ERG: variants seen among roughly 807,000 people sequenced by gnomAD.
ERG encodes the protein transcriptional regulator ERG.
ERG carries 9 observed loss-of-function variants against 55.3 expected under a neutral mutation model. The ratio of observed to expected loss-of-function variants is 0.16; its 90% confidence interval spans 0.10 to 0.28. The LOEUF is 0.28. Among genes scored for constraint, ERG ranks in the 10% least tolerant of loss-of-function variants. ERG has a pLI of 1.00. For synonymous variants in ERG, 223 were observed against 237.3 expected, an observed-to-expected ratio of 0.94 and a Z score of 0.55; for missense variants, 434 against 631.6, an observed-to-expected ratio of 0.69 and a Z score of 3.35.
chr21:38,518,242 AT>A (rs2059567359), intron 2 of ERG, among the ~76,000 whole-genome samples: 2 of 80,704 alleles, frequency 2.5e-5, no homozygotes, highest in Non-Finnish European at 5.0e-5. Context: ...GTGTGTATCT[AT>A]CTATCTATCT....
intron 2 of ERG, among the ~76,000 whole-genome samples, chr21:38,514,230 A>G (rs1462730796): frequency 6.6e-6 from 1 of 151,864 alleles, no homozygotes; most frequent in African/African-American, 2.4e-5. Flanking sequence ...GCATTTAAAA[A>G]AAAAAGGATG....
chr21:38,413,162 A>G (rs980403740), intron 3 of ERG, among the ~76,000 whole-genome samples: 10 of 152,212 alleles, frequency 6.6e-5, no homozygotes, highest in African/African-American at 2.4e-4. Context: ...AGGTGTCAAC[A>G]TAAGAATGTG....
At chr21:38,561,838 C>G (rs984075106) in intron 2 of ERG, among the ~76,000 whole-genome samples, 4 of 152,124 alleles carry the variant, frequency 2.6e-5, no homozygotes, top group African/African-American at 9.7e-5. Flanking sequence ...ACAAGACTTT[C>G]CAGAAAATCT....
intron 2 of ERG, among the ~76,000 whole-genome samples, chr21:38,438,917 C>T (rs973289473): frequency 2.0e-5 from 3 of 152,200 alleles, no homozygotes; most frequent in Non-Finnish European, 2.9e-5. Flanking sequence ...AGGTCTCTTC[C>T]GATTCTAGGG....
chr21:38,387,783 G>A (rs75403041), intron 9 of ERG, among the ~76,000 whole-genome samples: 6,306 of 152,270 alleles, frequency 0.041, 200 homozygotes, highest in Middle Eastern at 0.065. Flanking sequence ...AGCTTACTGT[G>A]TGCCATGCAC....
chr21:38,619,305 G>A lies in ERG; in HGVS notation c.-149-34360C>T, dbSNP rs191582704. Among the ~76,000 whole-genome samples, 77 of 152,222 alleles carry A rather than the reference G, an allele frequency of 5.1e-4. 1 individual carries two copies. The South Asian group carries it at 0.015, about 30-fold the overall frequency. On this transcript the variant is annotated intron_variant, in intron 1 of 10. Coordinates refer to the ERG transcript ENST00000398910. ...TGGGCACATATTTCTCCAAGACATG[G>A]GATGTGTTTCTCTGAGACATTTCCT...
Position 38,403,601 on chromosome 21 carries a change from T to C in ERG, c.497A>G (p.Lys166Arg), listed in dbSNP as rs1988615270. 6.2e-7 allele frequency: 1 copy of C among 1,614,066 alleles called. No individual in the cohort carries two copies. The highest frequency in any genetic ancestry group is 1.1e-5 in the South Asian group (1 of 91,090). Reference protein sequence around the residue: ...NILLFQNIDGKELCKMTKDDF... With the variant: ...NILLFQNIDGRELCKMTKDDF... ...GTCCTTGGTCATCTTGCACAGTTCC[T>C]TCCCATCGATGTTCTGGAATAACAA... is the stretch of plus-strand genomic sequence containing the variant. The change falls in exon 4 of 10, where the codon AAG (lysine) becomes AGG (arginine). Residue 166 changes from lysine (K) to arginine (R), a missense_variant. Transcript: ENST00000288319.
intron 2 of ERG, among the ~76,000 whole-genome samples, chr21:38,571,425 C>T (rs550581388): frequency 1.2e-4 from 19 of 152,034 alleles, no homozygotes; most frequent in Non-Finnish European, 2.2e-4. Flanking sequence ...GCAGGAAGAT[C>T]GCTTGAGCCT....
chr21:38,372,695 G>A, the ERG span, among the ~76,000 whole-genome samples: 1 of 151,868 alleles, frequency 6.6e-6, no homozygotes, highest in Non-Finnish European at 1.5e-5. Context: ...TAAATGTGTT[G>A]TGATTTTCTT....
Position 38,565,937 on chromosome 21 carries a change from G to A in ERG, c.-41+9725C>T, listed in dbSNP as rs1009315032. The stretch of plus-strand genomic sequence containing the variant: ...CCAAAAATATCACAAATGAGATAAC[G>A]TAACTTGTTGATAAGTGTGTGAAGA... On this transcript the variant is annotated intron_variant, in intron 2 of 8. Transcript: ENST00000398897. Among the ~76,000 whole-genome samples, 29 of 152,268 alleles carry A rather than the reference G, an allele frequency of 1.9e-4. 1 individual carries two copies. The highest frequency in any genetic ancestry group is 1.0e-3 in the South Asian group (5 of 4,824).
At chr21:38,646,658 C>T (rs2060458594) in intron 1 of ERG, among the ~76,000 whole-genome samples, 1 of 152,190 alleles carries the variant, frequency 6.6e-6, no homozygotes, top group South Asian at 2.1e-4. Flanking sequence ...CCCTCCATCT[C>T]TGAGTCAGTT....
intron 2 of ERG, among the ~76,000 whole-genome samples, chr21:38,571,911 C>T (rs1352399444): frequency 4.6e-5 from 7 of 152,138 alleles, no homozygotes; most frequent in East Asian, 1.9e-4. Flanking sequence ...AGAGTCTTCA[C>T]GGGAATCACA....
chr21:38,629,013 G>A (rs190903529), intron 1 of ERG, among the ~76,000 whole-genome samples: 1 of 152,282 alleles, frequency 6.6e-6, no homozygotes, highest in Non-Finnish European at 1.5e-5. Flanking sequence ...AAAGCCAAGA[G>A]ATGACCTGTT....
intron 1 of ERG, among the ~76,000 whole-genome samples, chr21:38,479,255 C>A (rs1446427478): frequency 6.6e-6 from 1 of 152,088 alleles, no homozygotes. Context: ...AACAATCTTG[C>A]CATCAGGACC....
chr21:38,415,669 G>A (rs74419185), intron 3 of ERG, among the ~76,000 whole-genome samples: 6,479 of 152,066 alleles, frequency 0.043, 447 homozygotes, highest in African/African-American at 0.15. Flanking sequence ...CTGAGAATAG[G>A]CTCTGGTCTC....
the ERG span, among the ~76,000 whole-genome samples, chr21:38,372,447 CT>C: frequency 4.4e-4 from 67 of 151,266 alleles, no homozygotes; most frequent in Non-Finnish European, 3.1e-4. Flanking sequence ...AATTATCATC[CT>C]TTTTTTTCTA....
chr21:38,405,634 G>A (rs1000811936), intron 3 of ERG, among the ~76,000 whole-genome samples: 2 of 152,218 alleles, frequency 1.3e-5, no homozygotes, highest in Middle Eastern at 3.4e-3. Flanking sequence ...CTCCAACCGC[G>A]GAAGCATCAG....
chr21:38,633,038 T>A (rs1460391675), intron 1 of ERG, among the ~76,000 whole-genome samples: 1 of 152,232 alleles, frequency 6.6e-6, no homozygotes, highest in Admixed American at 6.5e-5. Context: ...TGGAATATTA[T>A]TCAGCCTTAA....
rs529974276 is a variant in ERG, at chr21:38,468,801, C to T, written c.19-23180G>A. On this transcript the variant is annotated intron_variant, in intron 1 of 9. Transcript: ENST00000288319. Reference sequence around the variant, plus strand: ...GAGATCGAGACTATCTTGGCTAACACGGTGAAACCCTGTCTCCACTAAAAA... The same window carrying T: ...GAGATCGAGACTATCTTGGCTAACATGGTGAAACCCTGTCTCCACTAAAAA... Among the ~76,000 whole-genome samples the T allele has an allele frequency of 5.9e-5, 9 of 151,886 alleles. No individual in the cohort carries two copies. The South Asian group carries it at 1.5e-3, about 25-fold the overall frequency.
Sources: gnomAD v4.1 joint callset for allele counts (sites outside exome capture counted in the v4.1 genomes callset) on GRCh38, gnomAD v4.1.1 for gene constraint, MANE v1.5 for transcripts, NCBI Gene and HGNC (gene_info 2026-07-23, HGNC 2026-07-21) for gene names.